The following KLRG2 variants were observed in gnomAD, a reference collection of about 807,000 sequenced individuals.
KLRG2 encodes killer cell lectin like receptor G2, also known as killer cell lectin-like receptor subfamily G member 2.
A neutral mutation model predicts 35.4 loss-of-function variants in KLRG2; 39 were observed. That is an observed-to-expected ratio of 1.10 (90% CI 0.85 to 1.44). The LOEUF (loss-of-function observed/expected upper bound fraction) is 1.44, where lower values mean the gene tolerates loss of function less well. Ranked by LOEUF, KLRG2 falls within the 40% of genes most tolerant of loss-of-function variation. KLRG2 has a pLI of 0.00. For missense variants in KLRG2, 632 were observed against 570.9 expected (o/e 1.11, Z -1.09); for synonymous variants, 283 against 265.8 (o/e 1.06, Z -0.63).
chr7:139,428,252 G>GT, the KLRG2 span, among the ~76,000 whole-genome samples: 1 of 151,780 alleles, frequency 6.6e-6, no homozygotes, highest in Non-Finnish European at 1.5e-5. Flanking sequence ...ACCATTTTTT[G>GT]TTTTTTGTTT....
intron 3 of KLRG2, among the ~76,000 whole-genome samples, chr7:139,461,012 A>G (rs1341885734): frequency 1.3e-5 from 2 of 152,084 alleles, no homozygotes; most frequent in Non-Finnish European, 2.9e-5. Context: ...CTTTAATCCC[A>G]GCACTTTGGG....
intron 3 of KLRG2, among the ~76,000 whole-genome samples, chr7:139,460,430 C>T (rs1796548643): frequency 1.3e-5 from 2 of 152,194 alleles, no homozygotes; most frequent in African/African-American, 2.4e-5. Flanking sequence ...GTAATCCCAG[C>T]CCTTTGGGAG....
intron 3 of KLRG2, among the ~76,000 whole-genome samples, chr7:139,478,521 T>G (rs1796896490): frequency 6.6e-6 from 1 of 151,912 alleles, no homozygotes; most frequent in South Asian, 2.1e-4. Flanking sequence ...AATACAAAAA[T>G]TAGCCAGGTG....
At chr7:139,443,482 G>A in the KLRG2 span, among the ~76,000 whole-genome samples, 1 of 152,120 alleles carries the variant, frequency 6.6e-6, no homozygotes, top group Admixed American at 6.6e-5. Context: ...CCAAGTCCTA[G>A]GAAAAAATGA....
At chr7:139,428,189 T>C in the KLRG2 span, among the ~76,000 whole-genome samples, 1 of 152,166 alleles carries the variant, frequency 6.6e-6, no homozygotes, top group African/African-American at 2.4e-5. Flanking sequence ...CTCAAGCTGA[T>C]TGTAACAGAT....
Position 139,480,194 on chromosome 7 carries a change from G to T in KLRG2, c.811C>A (p.Leu271Ile), listed in dbSNP as rs760096571. ...ATGACAACCCCAGAGACTGCCAGGA[G>T]CACAGCCATGAACGCCAGGGCCCAG... ...LYWALAFMAV[L>I]LAVSGVVIVV... Residue 271 changes from leucine (L) to isoleucine (I), a missense_variant, in exon 2 of 5, where the codon CTC (leucine) becomes ATC (isoleucine). Coordinates refer to ENST00000340940, the MANE Select transcript of KLRG2 (RefSeq NM_198508.4). 3.7e-6 allele frequency: 6 copies of T among 1,613,692 alleles called. No individual in the cohort carries two copies. In the South Asian group the frequency reaches 5.5e-5, roughly 15 times the overall value.
At chr7:139,454,278 G>C (rs1315243621) in intron 3 of KLRG2, 64 bp from the exon 4 acceptor site, 1 of 783,558 alleles carries the variant, frequency 1.3e-6, no homozygotes, top group Non-Finnish European at 2.1e-6. Context: ...GGGGCGTACG[G>C]ATTCCCTGGG....
downstream of KLRG2, among the ~76,000 whole-genome samples, chr7:139,451,443 T>C (rs1796374012): frequency 1.3e-5 from 2 of 152,096 alleles, no homozygotes; most frequent in Non-Finnish European, 2.9e-5. Context: ...GAGGTTGCGG[T>C]GAGCCGAGAC....
the KLRG2 span, among the ~76,000 whole-genome samples, chr7:139,446,300 G>A: frequency 6.6e-6 from 1 of 151,008 alleles, no homozygotes; most frequent in Non-Finnish European, 1.5e-5. Context: ...CCCCTTGGAG[G>A]CTTGAGGGGA....
At chr7:139,435,530 A>G in the KLRG2 span, among the ~76,000 whole-genome samples, 2 of 152,146 alleles carry the variant, frequency 1.3e-5, no homozygotes, top group Non-Finnish European at 2.9e-5. Flanking sequence ...TAAGTTGACA[A>G]ATGTATCCCA....
intron 3 of KLRG2, among the ~76,000 whole-genome samples, chr7:139,479,123 C>T (rs1796908582): frequency 1.3e-5 from 2 of 152,104 alleles, no homozygotes; most frequent in South Asian, 4.1e-4. Flanking sequence ...TGCTCTGTTG[C>T]CCAGGCTGGA....
chr7:139,471,966 C>G (rs1344808847), intron 3 of KLRG2, among the ~76,000 whole-genome samples: 1 of 152,200 alleles, frequency 6.6e-6, no homozygotes, highest in African/African-American at 2.4e-5. Context: ...GTGGGGATAC[C>G]AGGCCACAGA....
the KLRG2 span, among the ~76,000 whole-genome samples, chr7:139,447,357 T>A: frequency 6.6e-6 from 1 of 151,954 alleles, no homozygotes; most frequent in African/African-American, 2.4e-5. Context: ...CACAAACCTG[T>A]ACAGCATGTT....
chr7:139,471,934 G>T (rs1225402310), intron 3 of KLRG2, among the ~76,000 whole-genome samples: 1 of 152,224 alleles, frequency 6.6e-6, no homozygotes, highest in Non-Finnish European at 1.5e-5. Flanking sequence ...GGGATAAAGG[G>T]CTGGGAAGCA....
intron 3 of KLRG2, among the ~76,000 whole-genome samples, chr7:139,463,754 C>CG (rs1469014505): frequency 1.3e-5 from 2 of 152,224 alleles, no homozygotes; most frequent in African/African-American, 4.8e-5. Flanking sequence ...CTTGACTTAG[C>CG]GGCTGACGAC....
chr7:139,455,887 A>G (rs1796470359), intron 3 of KLRG2, among the ~76,000 whole-genome samples: 1 of 152,224 alleles, frequency 6.6e-6, no homozygotes, highest in Non-Finnish European at 1.5e-5. Context: ...AAACTCCCCA[A>G]ACGCTCAGCA....
chr7:139,475,295 G>T (rs914784732), intron 3 of KLRG2, among the ~76,000 whole-genome samples: 2 of 152,158 alleles, frequency 1.3e-5, no homozygotes, highest in Admixed American at 6.6e-5. Flanking sequence ...ACTTTAGGAG[G>T]CCGAGGCAGG....
the KLRG2 span, among the ~76,000 whole-genome samples, chr7:139,444,744 C>T: frequency 6.6e-6 from 1 of 152,130 alleles, no homozygotes; most frequent in Non-Finnish European, 1.5e-5. Flanking sequence ...GCACCATGAA[C>T]AGCCAATGCA....
the KLRG2 span, among the ~76,000 whole-genome samples, chr7:139,445,295 T>C: frequency 2.0e-5 from 3 of 152,180 alleles, no homozygotes; most frequent in African/African-American, 7.2e-5. Flanking sequence ...TTGGCCAGGC[T>C]GGTCTCGAAC....
Sources: allele counts gnomAD v4.1 joint callset (sites outside exome capture counted in the v4.1 genomes callset), GRCh38; gene constraint gnomAD v4.1.1; transcripts MANE v1.5; gene names NCBI Gene and HGNC (gene_info 2026-07-23, HGNC 2026-07-21).